ZFX: variants seen among roughly 807,000 people sequenced by gnomAD.
ZFX encodes the protein zinc finger X-chromosomal protein.
For missense variants in ZFX, 362 were observed against 628.3 expected, an observed-to-expected ratio of 0.58 and a Z score of 4.53; for synonymous variants, 196 against 226.8, an observed-to-expected ratio of 0.86 and a Z score of 1.22.
In ZFX at chrX:24,196,678, A is replaced by G. The variant is rs192375669; in HGVS notation, c.647-10648A>G. 4.7e-3 allele frequency among the ~76,000 whole-genome samples: 525 copies of G among 110,589 alleles called. 3 individuals carry two copies. Among genetic ancestry groups the G allele is most frequent in the African/African-American group, 0.016 (495 of 30,317 alleles). On this transcript the variant is annotated intron_variant, in intron 5 of 9. Transcript: ENST00000304543. ...GGTGTGATCATGGCTCACTGCTGCA[A>G]CCTTGGACTCCTGGGCTCAAACAGT...
intron 5 of ZFX, among the ~76,000 whole-genome samples, chrX:24,189,323 A>C (rs1202335257): frequency 8.9e-6 from 1 of 111,831 alleles, no homozygotes; most frequent in Non-Finnish European, 1.9e-5. Context: ...GACATGCTAA[A>C]GATTTATTTA....
At chrX:24,171,705 T>C (rs958932931) in intron 3 of ZFX, among the ~76,000 whole-genome samples, 1 of 111,184 alleles carries the variant, frequency 9.0e-6, no homozygotes, top group Non-Finnish European at 1.9e-5. Context: ...AAAGGGAGAA[T>C]TAAGGCCATT....
Position 24,152,736 on chromosome X carries a change from A to C in ZFX, c.-123A>C. The C allele has an allele frequency of 8.9e-6, 1 of 112,436 alleles. No individual in the cohort carries two copies. Among genetic ancestry groups the C allele is most frequent in the Non-Finnish European group, 1.9e-5 (1 of 53,315 alleles). The allele number at this position is 112,436 out of a possible 1,213,427, so 9.3% of individuals were successfully genotyped here. ...TTTTGACAGCTGGGAAAGACATAGA[A>C]GAACTATTAAGAAGATAGAATTGTT... On this transcript the variant is annotated 5_prime_UTR_variant, in exon 3 of 10. Transcript: ENST00000304543.
rs1415600597 is a variant in ZFX, at chrX:24,152,831, G to T, written c.-29+1G>T. The stretch of plus-strand genomic sequence containing the variant: ...GAGTCAAGTTGTGTGATTAAGACAG[G>T]TAAGTGTGTAGTTTAGTTTCAATTA... On this transcript the variant is annotated splice_donor_variant, in intron 3 of 9. Coordinates refer to ENST00000304543, the MANE Select transcript of ZFX (RefSeq NM_003410.4). LOFTEE classifies it low-confidence loss of function (5UTR_SPLICE). 2.7e-5 allele frequency: 3 copies of T among 112,532 alleles called. No individual in the cohort carries two copies. The highest frequency in any genetic ancestry group is 5.6e-5 in the Non-Finnish European group (3 of 53,323). The allele number at this position is 112,532 out of a possible 1,213,427, so 9.3% of individuals were successfully genotyped here.
chrX:24,191,195 C>G (rs1936502179), intron 5 of ZFX, among the ~76,000 whole-genome samples: 1 of 111,558 alleles, frequency 9.0e-6, no homozygotes, highest in Admixed American at 9.5e-5. Context: ...TTACTTAGGT[C>G]TCTGACACCA....
intron 3 of ZFX, among the ~76,000 whole-genome samples, chrX:24,158,616 AG>A (rs763426907): frequency 5.5e-4 from 61 of 110,476 alleles, no homozygotes; most frequent in African/African-American, 1.9e-3. Flanking sequence ...CTTTTTTGAG[AG>A]GGGGTGCTGA....
At chrX:24,207,234 CAA>C in intron 5 of ZFX, 90 bp from the exon 6 acceptor site, 19 of 831,082 alleles carry the variant, frequency 2.3e-5, no homozygotes, top group Non-Finnish European at 3.0e-5. Flanking sequence ...GACTCCGTCT[CAA>C]AAAAAAAAAT....
Position 24,215,265 on chromosome X carries a change from C to T in ZFX, c.*3889C>T, listed in dbSNP as rs1212588660. ...CTGTATTTGTATTCTCTGGGAATCT[C>T]AGTATTAATAATTTCATTTCCCACA... On this transcript the variant is annotated 3_prime_UTR_variant, in exon 10 of 10. Coordinates refer to ENST00000304543, the MANE Select transcript of ZFX (RefSeq NM_003410.4). 1 of 111,593 alleles carries T rather than the reference C, an allele frequency of 9.0e-6. No homozygotes were observed. Among genetic ancestry groups the T allele is most frequent in the East Asian group, 2.8e-4 (1 of 3,599 alleles). 9.2% of individuals were successfully genotyped at this position (111,593 alleles called of 1,213,427 possible).
At chrX:24,171,634 C>T (rs910865971) in intron 3 of ZFX, among the ~76,000 whole-genome samples, 7 of 110,968 alleles carry the variant, frequency 6.3e-5, no homozygotes, top group African/African-American at 1.3e-4. Context: ...CAAAAAAAAG[C>T]GGTAAAGGTG....
chrX:24,191,574 G>C (rs1362327888), intron 5 of ZFX, among the ~76,000 whole-genome samples: 1 of 111,894 alleles, frequency 8.9e-6, no homozygotes, highest in Non-Finnish European at 1.9e-5. Flanking sequence ...GAACATCTAA[G>C]TTCTGGGGTT....
chrX:24,177,925 AT>A (rs759116403), intron 4 of ZFX: 53,915 of 464,386 alleles, frequency 0.12, 669 homozygotes, highest in African/African-American at 0.24. Context: ...GCATTACTTA[AT>A]TTTTTTTTTT....
intron 5 of ZFX, among the ~76,000 whole-genome samples, chrX:24,199,335 G>T (rs1228318566): frequency 1.8e-5 from 2 of 109,387 alleles, no homozygotes; most frequent in African/African-American, 6.7e-5. Context: ...GCTCACTGCA[G>T]CCTCGACCTC....
chrX:24,211,777 A>G lies in ZFX; in HGVS notation c.*401A>G, dbSNP rs1938101515. On this transcript the variant is annotated 3_prime_UTR_variant, in exon 10 of 10. Transcript: ENST00000304543. ...TTCATGTTGACTCATTTTTTTCCCC[A>G]TACATTTCTCACAATAAAATTGTCA... 8.2e-6 allele frequency: 1 copy of G among 122,630 alleles called. No individual in the cohort carries two copies. The highest frequency in any genetic ancestry group is 8.4e-5 in the Admixed American group (1 of 11,915). 10.1% of individuals were successfully genotyped at this position (122,630 alleles called of 1,213,427 possible). A position where few individuals can be genotyped will look rare whatever the true frequency, so the allele number is the denominator to read the frequency against.
At position 24,179,777 on chromosome X, in the gene ZFX, C is replaced by G. The variant is rs745709860; in HGVS notation, c.646+7C>G. ...GACTACCTTATGATTTCCTGTAAGT[C>G]TTGGGGTACAGTGATTGTCAAAGGT... On this transcript the variant is annotated splice_region_variant and intron_variant, in intron 5 of 9. Transcript: ENST00000304543. 1.1e-5 allele frequency: 13 copies of G among 1,189,607 alleles called. No individual in the cohort carries two copies. In the East Asian group the frequency reaches 3.6e-4, roughly 33 times the overall value.
At chrX:24,208,426 A>C in intron 8 of ZFX, 56 bp downstream of exon 8, 1 of 1,179,830 alleles carries the variant, frequency 8.5e-7, no homozygotes, top group Non-Finnish European at 1.1e-6. Context: ...ACATGAATCC[A>C]TGATTGAAAA....
chrX:24,153,622 TA>T (rs1932471746), intron 3 of ZFX, among the ~76,000 whole-genome samples: 1 of 112,061 alleles, frequency 8.9e-6, no homozygotes, highest in Middle Eastern at 4.6e-3. Context: ...ACAGGTGTGT[TA>T]TATAAAAGTG....
rs1373356569 is a variant in ZFX at position 24,215,072 on chromosome X, A to G, written c.*3696A>G. 8.9e-6 allele frequency: 1 copy of G among 112,114 alleles called. No individual in the cohort carries two copies. Among genetic ancestry groups the G allele is most frequent in the Admixed American group, 9.5e-5 (1 of 10,516 alleles). The allele number at this position is 112,114 out of a possible 1,213,427, so 9.2% of individuals were successfully genotyped here. On this transcript the variant is annotated 3_prime_UTR_variant, in exon 10 of 10. Coordinates refer to ENST00000304543, the MANE Select transcript of ZFX (RefSeq NM_003410.4). ...CAAACGTTTGCCTAATAGTTGAAAC[A>G]ATAAATTAAAATTTTAGGTAAATGA...
At chrX:24,159,537 C>T (rs1248721120) in intron 3 of ZFX, among the ~76,000 whole-genome samples, 1 of 110,959 alleles carries the variant, frequency 9.0e-6, no homozygotes, top group African/African-American at 3.3e-5. Flanking sequence ...TGCAGTGGCA[C>T]GATCTCGGCT....
intron 4 of ZFX, chrX:24,173,839 C>A (rs1216081926): frequency 3.7e-5 from 15 of 403,226 alleles, no homozygotes; most frequent in African/African-American, 3.2e-4. Context: ...ATGTGATCTG[C>A]CTGCCTCGGT....
Sources: gnomAD v4.1 joint callset for allele counts (sites outside exome capture counted in the v4.1 genomes callset) on GRCh38, gnomAD v4.1.1 for gene constraint, MANE v1.5 for transcripts, NCBI Gene and HGNC (gene_info 2026-07-23, HGNC 2026-07-21) for gene names.